Variants in LMBR1 observed in about 807,000 individuals in gnomAD.
LMBR1 encodes the protein limb region 1 protein homolog.
In LMBR1, 52 loss-of-function variants were observed where a neutral mutation model predicts 73.9. That is an observed-to-expected ratio of 0.70 (90% CI 0.56 to 0.89). The LOEUF is 0.89. LMBR1 is among the 40% of genes least tolerant of loss of function. The pLI, the probability that LMBR1 is intolerant of heterozygous loss-of-function variation, is 0.00. For synonymous variants in LMBR1, 215 were observed against 209.4 expected, an observed-to-expected ratio of 1.03 and a Z score of -0.23; for missense variants, 539 against 579.8, an observed-to-expected ratio of 0.93 and a Z score of 0.72.
intron 9 of LMBR1, among the ~76,000 whole-genome samples, chr7:156,735,744 T>C (rs1354792445): frequency 6.6e-6 from 1 of 152,122 alleles, no homozygotes; most frequent in Non-Finnish European, 1.5e-5. Context: ...TTGTGGATTT[T>C]AAGTTCTGCT....
chr7:156,760,331 A>G (rs1447209103), intron 8 of LMBR1, among the ~76,000 whole-genome samples: 1 of 152,216 alleles, frequency 6.6e-6, no homozygotes, highest in Non-Finnish European at 1.5e-5. Context: ...GTTTCGTTTT[A>G]TATACGTTGA....
chr7:156,725,705 C>G, intron 13 of LMBR1, 59 bp downstream of exon 13: 1 of 1,476,392 alleles, frequency 6.8e-7, no homozygotes, highest in Non-Finnish European at 9.4e-7. Context: ...AACTACTGCC[C>G]CAGAAAACTT....
chr7:156,673,259 GC>G (rs1802989097), downstream of LMBR1, among the ~76,000 whole-genome samples: 1 of 152,134 alleles, frequency 6.6e-6, no homozygotes, highest in Admixed American at 6.5e-5. Flanking sequence ...TGCTTTTCAG[GC>G]ATATGTGGAA....
chr7:156,806,212 T>TA (rs1563409110), intron 4 of LMBR1, among the ~76,000 whole-genome samples: 1 of 152,218 alleles, frequency 6.6e-6, no homozygotes, highest in African/African-American at 2.4e-5. Context: ...CACGCATCCC[T>TA]AAGTATTTCG....
At chr7:156,812,947 C>T (rs1833347489) in intron 4 of LMBR1, among the ~76,000 whole-genome samples, 1 of 152,124 alleles carries the variant, frequency 6.6e-6, no homozygotes, top group Non-Finnish European at 1.5e-5. Flanking sequence ...CCTTGTTTGC[C>T]CCCATCTCTG....
chr7:156,762,187 C>T lies in LMBR1; in HGVS notation c.631G>A (p.Val211Ile), dbSNP rs761544977. The T allele has an allele frequency of 1.9e-5, 30 of 1,609,294 alleles. No individual in the cohort carries two copies. The highest frequency in any genetic ancestry group is 2.5e-5 in the Non-Finnish European group (29 of 1,176,204). ...ACTGTGAACATACGAGAAAGGCCAA[C>T]TGGTGTACACACTGCAGAAATAAGA... is the stretch of plus-strand genomic sequence containing the variant. ...GCLLLLLCTP[V>I]GLSRMFTVMG... The change falls in exon 8 of 17, where the codon GTT (valine) becomes ATT (isoleucine). Residue 211 changes from valine to isoleucine, a missense_variant. Physicochemically the swap from Val to Ile is conservative, Grantham distance 29. Transcript: ENST00000353442.
intron 15 of LMBR1, among the ~76,000 whole-genome samples, chr7:156,712,031 C>T (rs187918321): frequency 6.6e-6 from 1 of 152,266 alleles, no homozygotes; most frequent in East Asian, 1.9e-4. Context: ...AGCTTCTGCA[C>T]AGCAAAATAT....
chr7:156,872,845 G>A (rs542776818), intron 1 of LMBR1, among the ~76,000 whole-genome samples: 9 of 152,214 alleles, frequency 5.9e-5, no homozygotes, highest in African/African-American at 1.7e-4. Flanking sequence ...CCTTTGCTCC[G>A]GAACTACTGC....
intron 8 of LMBR1, among the ~76,000 whole-genome samples, chr7:156,761,547 A>C (rs1822991414): frequency 6.6e-6 from 1 of 152,222 alleles, no homozygotes; most frequent in African/African-American, 2.4e-5. Flanking sequence ...CACCTAAAAT[A>C]CCTGTAAATA....
chr7:156,893,106 C>T lies in LMBR1; in HGVS notation c.-113G>A. The T allele has an allele frequency of 8.9e-7, 1 of 1,119,936 alleles. No homozygotes were observed. Among genetic ancestry groups the T allele is most frequent in the Non-Finnish European group, 1.2e-6 (1 of 866,584 alleles). The allele number at this position is 1,119,936 out of a possible 1,614,324, so 69.4% of individuals were successfully genotyped here. On this transcript the variant is annotated 5_prime_UTR_variant, in exon 1 of 17. Coordinates refer to ENST00000353442, the MANE Select transcript of LMBR1 (RefSeq NM_022458.4). ...CCGGGGACCGGAGCCGGCACGGGCC[C>T]GCGAGCCGTGTTGGAACAGGTACCG...
chr7:156,878,364 A>G (rs1800536564), intron 1 of LMBR1, among the ~76,000 whole-genome samples: 1 of 152,244 alleles, frequency 6.6e-6, no homozygotes, highest in South Asian at 2.1e-4. Flanking sequence ...TTCAGGATAC[A>G]AAATTAATGT....
Position 156,763,583 on chromosome 7 carries a change from T to C in LMBR1, c.550+86A>G. ...ACATCTTTGTTAACTACACAAAGAT[T>C]TAAATGTTTTTAAAATTGAGTGTGT... On this transcript the variant is annotated intron_variant, in intron 6 of 16. Coordinates refer to ENST00000353442, the MANE Select transcript of LMBR1 (RefSeq NM_022458.4). 2.5e-6 allele frequency: 3 copies of C among 1,181,426 alleles called. No individual in the cohort carries two copies. In the South Asian group the frequency reaches 5.0e-5, roughly 20 times the overall value. 73.2% of individuals were successfully genotyped at this position (1,181,426 alleles called of 1,614,324 possible). A position where few individuals can be genotyped will look rare whatever the true frequency, so the allele number is the denominator to read the frequency against.
chr7:156,732,508 A>C (rs1817039063), intron 10 of LMBR1, among the ~76,000 whole-genome samples: 1 of 152,222 alleles, frequency 6.6e-6, no homozygotes, highest in Admixed American at 6.5e-5. Flanking sequence ...GTATTCAGTA[A>C]AGAATTCATA....
intron 4 of LMBR1, among the ~76,000 whole-genome samples, chr7:156,799,355 C>T (rs1355323494): frequency 6.6e-6 from 1 of 152,178 alleles, no homozygotes; most frequent in Admixed American, 6.5e-5. Flanking sequence ...GTGCTCACTT[C>T]ATTTCTCCAT....
chr7:156,753,267 G>A (rs546076688), intron 9 of LMBR1, among the ~76,000 whole-genome samples: 3 of 152,100 alleles, frequency 2.0e-5, no homozygotes, highest in East Asian at 1.9e-4. Flanking sequence ...GATTAGAAAC[G>A]AGGAGCAAAA....
intron 4 of LMBR1, among the ~76,000 whole-genome samples, chr7:156,806,038 A>G (rs925785385): frequency 6.6e-6 from 1 of 152,172 alleles, no homozygotes; most frequent in African/African-American, 2.4e-5. Context: ...CCAGAACTGT[A>G]AAAAATATTT....
At chr7:156,684,992 TACAC>T (rs996034139) in intron 16 of LMBR1, among the ~76,000 whole-genome samples, 4 of 152,110 alleles carry the variant, frequency 2.6e-5, no homozygotes, top group Non-Finnish European at 4.4e-5. Context: ...AATTGCCCCT[TACAC>T]ACATGCAGGA....
At chr7:156,868,784 G>A (rs1293325575) in intron 1 of LMBR1, among the ~76,000 whole-genome samples, 1 of 152,022 alleles carries the variant, frequency 6.6e-6, no homozygotes, top group African/African-American at 2.4e-5. Flanking sequence ...TGGGCAACAT[G>A]GTGAAACCCC....
chr7:156,812,600 G>A (rs1467536113), intron 4 of LMBR1, among the ~76,000 whole-genome samples: 2 of 152,096 alleles, frequency 1.3e-5, no homozygotes, highest in East Asian at 1.9e-4. Flanking sequence ...ATTCTTCCCC[G>A]GGGCCTCCAA....
Sources: gnomAD v4.1 joint callset for allele counts (sites outside exome capture counted in the v4.1 genomes callset) on GRCh38, gnomAD v4.1.1 for gene constraint, MANE v1.5 for transcripts, NCBI Gene and HGNC (gene_info 2026-07-23, HGNC 2026-07-21) for gene names.